The following SLC24A2 variants were observed in gnomAD, a reference collection of about 807,000 sequenced individuals.
The protein encoded by SLC24A2 is sodium/potassium/calcium exchanger 2.
In SLC24A2, 36 loss-of-function variants were observed where a neutral mutation model predicts 62.0. The ratio of observed to expected loss-of-function variants is 0.58; its 90% confidence interval spans 0.44 to 0.77. The LOEUF is 0.77. Ranked by LOEUF, SLC24A2 falls within the 30% of genes least tolerant of loss-of-function variation. The pLI is 0.00. For synonymous variants in SLC24A2, 358 were observed against 294.0 expected (o/e 1.22, Z -2.23); for missense variants, 846 against 817.9 (o/e 1.03, Z -0.42).
At chr9:20,293,421 T>C in the SLC24A2 span, among the ~76,000 whole-genome samples, 1 of 152,160 alleles carries the variant, frequency 6.6e-6, no homozygotes, top group Non-Finnish European at 1.5e-5. Flanking sequence ...GCAGAGTGGA[T>C]TTGGTGTCAT....
chr9:19,825,805 C>T, the SLC24A2 span, among the ~76,000 whole-genome samples: 2 of 151,770 alleles, frequency 1.3e-5, no homozygotes, highest in Non-Finnish European at 2.9e-5. Context: ...ATCATGTTGT[C>T]TAAAAAATAA....
chr9:20,099,851 G>T, the SLC24A2 span, among the ~76,000 whole-genome samples: 1 of 151,746 alleles, frequency 6.6e-6, no homozygotes, highest in Admixed American at 6.6e-5. Context: ...TTTTTCTCCA[G>T]CCCCCTTCTA....
chr9:19,698,217 C>G (rs903084524), intron 2 of SLC24A2, among the ~76,000 whole-genome samples: 2 of 152,100 alleles, frequency 1.3e-5, no homozygotes, highest in Non-Finnish European at 2.9e-5. Context: ...AAATTCCACA[C>G]CTGACCTCAT....
chr9:20,158,379 G>A, the SLC24A2 span, among the ~76,000 whole-genome samples: 2 of 151,630 alleles, frequency 1.3e-5, no homozygotes, highest in African/African-American at 4.8e-5. Context: ...ATTAGGTCAG[G>A]AGGGGTCCAC....
chr9:19,699,568 A>G (rs574383585), intron 2 of SLC24A2, among the ~76,000 whole-genome samples: 1 of 152,312 alleles, frequency 6.6e-6, no homozygotes, highest in South Asian at 2.1e-4. Context: ...TCATCATCCA[A>G]TGTTAATTAG....
the SLC24A2 span, among the ~76,000 whole-genome samples, chr9:20,260,849 CTTT>C: frequency 3.3e-5 from 3 of 90,280 alleles, no homozygotes; most frequent in Non-Finnish European, 4.0e-5. Flanking sequence ...ATCATTCTTT[CTTT>C]TTTTTTTTTT....
the SLC24A2 span, among the ~76,000 whole-genome samples, chr9:20,000,200 A>G: frequency 2.4e-4 from 36 of 152,344 alleles, 1 homozygote; most frequent in Non-Finnish European, 4.3e-4. Context: ...CTTAATGAAC[A>G]TTATTATTTC....
intron 2 of SLC24A2, among the ~76,000 whole-genome samples, chr9:19,740,212 C>G (rs1205548812): frequency 6.6e-6 from 1 of 152,128 alleles, no homozygotes; most frequent in Non-Finnish European, 1.5e-5. Flanking sequence ...TAAGACCCAG[C>G]AATTCCATTC....
the SLC24A2 span, among the ~76,000 whole-genome samples, chr9:20,154,396 A>C: frequency 1.3e-5 from 2 of 151,800 alleles, no homozygotes; most frequent in African/African-American, 4.8e-5. Flanking sequence ...ACAGATGAAA[A>C]AGGAGGAGAG....
At chr9:20,101,209 T>A in the SLC24A2 span, among the ~76,000 whole-genome samples, 3 of 152,250 alleles carry the variant, frequency 2.0e-5, no homozygotes, top group African/African-American at 7.2e-5. Flanking sequence ...TCTGTAAATA[T>A]GTCTGAAGGT....
chr9:20,093,220 G>A, the SLC24A2 span, among the ~76,000 whole-genome samples: 1 of 151,782 alleles, frequency 6.6e-6, no homozygotes, highest in Non-Finnish European at 1.5e-5. Flanking sequence ...TTACAGGCAT[G>A]CACGACCACA....
the SLC24A2 span, among the ~76,000 whole-genome samples, chr9:20,165,552 G>T: frequency 5.9e-4 from 90 of 151,834 alleles, no homozygotes; most frequent in Middle Eastern, 0.01. Context: ...GGCAAACAGA[G>T]AAATAAATGG....
the SLC24A2 span, among the ~76,000 whole-genome samples, chr9:20,045,136 T>A: frequency 0.018 from 2,804 of 152,270 alleles, 82 homozygotes; most frequent in African/African-American, 0.064. Flanking sequence ...TACTATGCAT[T>A]TGGCAAAAAT....
At chr9:20,005,111 A>G in the SLC24A2 span, among the ~76,000 whole-genome samples, 19 of 152,330 alleles carry the variant, frequency 1.2e-4, no homozygotes, top group East Asian at 3.7e-3. Context: ...CATAGAAAGG[A>G]GGGTGTCTAG....
chr9:19,969,221 A>ACG, the SLC24A2 span, among the ~76,000 whole-genome samples: 1 of 149,964 alleles, frequency 6.7e-6, no homozygotes, highest in Non-Finnish European at 1.5e-5. Context: ...ACACACACAC[A>ACG]CACACTTCTT....
rs924962845 is a variant in SLC24A2 at position 19,705,725 on chromosome 9, C to G, written c.930+80212G>C. ...CATTCAGGAGCAGGTTGTTCAGTTT[C>G]CATGTAGTTGAGCGGTTTTGAATGA... On this transcript the variant is annotated intron_variant, in intron 2 of 10. Coordinates refer to ENST00000341998, the MANE Select transcript of SLC24A2 (RefSeq NM_020344.4). The G allele has an allele frequency of 5.0e-5, 8 of 160,824 alleles. No individual in the cohort carries two copies. In the South Asian group the frequency reaches 1.4e-3, roughly 29 times the overall value. The allele number at this position is 160,824 out of a possible 1,614,324, so 10.0% of individuals were successfully genotyped here.
At chr9:20,278,913 G>C in the SLC24A2 span, among the ~76,000 whole-genome samples, 1 of 152,182 alleles carries the variant, frequency 6.6e-6, no homozygotes, top group South Asian at 2.1e-4. Context: ...ATAAAGGAAA[G>C]AGGTTTAATT....
chr9:20,088,517 C>T, the SLC24A2 span, among the ~76,000 whole-genome samples: 1 of 152,134 alleles, frequency 6.6e-6, no homozygotes, highest in Non-Finnish European at 1.5e-5. Context: ...TACAACCATC[C>T]CCACCAGGGT....
chr9:19,825,099 T>G, the SLC24A2 span, among the ~76,000 whole-genome samples: 1 of 152,138 alleles, frequency 6.6e-6, no homozygotes, highest in East Asian at 1.9e-4. Context: ...GATGGATTGA[T>G]AGGTGCAGCA....
Sources: allele counts gnomAD v4.1 joint callset (sites outside exome capture counted in the v4.1 genomes callset), GRCh38; gene constraint gnomAD v4.1.1; transcripts MANE v1.5; gene names NCBI Gene and HGNC (gene_info 2026-07-23, HGNC 2026-07-21).